Variants in NRG3 observed in about 807,000 individuals in gnomAD.
NRG3 encodes the protein neuregulin 3.
In NRG3, 31 loss-of-function variants were observed where a neutral mutation model predicts 66.9. The observed-to-expected ratio is 0.46, with a 90% CI of 0.35 to 0.63. The LOEUF (loss-of-function observed/expected upper bound fraction) is 0.63, where lower values mean the gene tolerates loss of function less well. NRG3 is among the 20% of genes least tolerant of loss of function. NRG3 has a pLI of 0.00. For missense variants in NRG3, 910 were observed against 878.9 expected (o/e 1.04, Z -0.45); for synonymous variants, 393 against 359.4 (o/e 1.09, Z -1.06).
At chr10:81,878,169 T>C (rs1220068894) in intron 1 of NRG3, 5 of 1,328,642 alleles carry the variant, frequency 3.8e-6, no homozygotes, top group Admixed American at 5.7e-5. Context: ...TAATAAGTAA[T>C]GATTATTGAC....
At chr10:82,442,627 T>C (rs188598093) in intron 2 of NRG3, among the ~76,000 whole-genome samples, 1 of 152,210 alleles carries the variant, frequency 6.6e-6, no homozygotes, top group Admixed American at 6.5e-5. Flanking sequence ...GCCCTTCTGC[T>C]TCTGCTTTAC....
At chr10:82,431,965 C>A (rs912942347) in intron 2 of NRG3, among the ~76,000 whole-genome samples, 1 of 152,076 alleles carries the variant, frequency 6.6e-6, no homozygotes, top group Non-Finnish European at 1.5e-5. Flanking sequence ...CTCATAATTG[C>A]ACAGGATGGA....
chr10:82,358,921 G>A (rs2083950338), intron 2 of NRG3, 53 bp downstream of exon 2: 5 of 1,611,686 alleles, frequency 3.1e-6, no homozygotes, highest in East Asian at 2.2e-5. Flanking sequence ...AAGGCGTGGG[G>A]GTGGAGGGTG....
chr10:82,234,422 T>A (rs925796938), intron 1 of NRG3, among the ~76,000 whole-genome samples: 1 of 152,218 alleles, frequency 6.6e-6, no homozygotes, highest in African/African-American at 2.4e-5. Flanking sequence ...GCGATTACAT[T>A]TACTTGTGAC....
intron 2 of NRG3, among the ~76,000 whole-genome samples, chr10:82,379,576 A>G (rs920440600): frequency 1.3e-5 from 2 of 152,198 alleles, no homozygotes; most frequent in Non-Finnish European, 2.9e-5. Context: ...TGCATAGGCT[A>G]TAAAGTGTTT....
intron 1 of NRG3, among the ~76,000 whole-genome samples, chr10:81,886,663 A>G (rs988534267): frequency 7.2e-5 from 11 of 152,292 alleles, no homozygotes; most frequent in African/African-American, 2.4e-4. Flanking sequence ...ATATTTGGCA[A>G]GTGAATGTGC....
At chr10:82,389,950 G>T (rs1183457108) in intron 2 of NRG3, among the ~76,000 whole-genome samples, 1 of 152,140 alleles carries the variant, frequency 6.6e-6, no homozygotes, top group Non-Finnish European at 1.5e-5. Context: ...GCCATTTATT[G>T]TACTGTGGCC....
intron 1 of NRG3, among the ~76,000 whole-genome samples, chr10:82,049,559 C>T (rs983344347): frequency 6.7e-6 from 1 of 150,346 alleles, no homozygotes; most frequent in African/African-American, 2.5e-5. Flanking sequence ...AACTGTTCCC[C>T]AAGACTTTAT....
intron 6 of NRG3, 116 bp from the exon 7 acceptor site, chr10:82,973,672 A>T: frequency 9.3e-7 from 1 of 1,072,208 alleles, no homozygotes; most frequent in Non-Finnish European, 1.4e-6. Flanking sequence ...CTGCTCCTCT[A>T]GTCAGGTGAC....
At chr10:82,895,029 TGA>T (rs1311953595) in intron 4 of NRG3, among the ~76,000 whole-genome samples, 4 of 152,222 alleles carry the variant, frequency 2.6e-5, no homozygotes, top group Admixed American at 6.5e-5. Flanking sequence ...TTGCTGAGAA[TGA>T]TGGTGTCTAG....
intron 1 of NRG3, among the ~76,000 whole-genome samples, chr10:82,272,283 A>C (rs931371492): frequency 6.6e-6 from 1 of 152,046 alleles, no homozygotes; most frequent in Non-Finnish European, 1.5e-5. Flanking sequence ...TCCAACTGGC[A>C]TAAGGACTGA....
intron 1 of NRG3, among the ~76,000 whole-genome samples, chr10:82,150,000 C>T (rs894163117): frequency 6.6e-6 from 1 of 152,106 alleles, no homozygotes; most frequent in East Asian, 1.9e-4. Flanking sequence ...GATGGAACTC[C>T]GCTGTGGTTT....
chr10:82,922,644 T>G (rs1180464209), intron 4 of NRG3, among the ~76,000 whole-genome samples: 1 of 152,194 alleles, frequency 6.6e-6, no homozygotes, highest in East Asian at 1.9e-4. Context: ...GATGCCATCA[T>G]AGAAACATGT....
intron 1 of NRG3, among the ~76,000 whole-genome samples, chr10:82,245,211 C>A (rs561105921): frequency 5.9e-5 from 9 of 152,156 alleles, no homozygotes; most frequent in African/African-American, 1.7e-4. Flanking sequence ...CATTAGATTC[C>A]CATAGGGAGA....
chr10:82,622,771 A>C (rs559748490), intron 2 of NRG3, among the ~76,000 whole-genome samples: 3 of 152,284 alleles, frequency 2.0e-5, no homozygotes, highest in African/African-American at 7.2e-5. Flanking sequence ...TCTGCAACCC[A>C]TCATGTCTAT....
At chr10:82,760,181 A>G (rs1425104015) in intron 3 of NRG3, among the ~76,000 whole-genome samples, 2 of 152,086 alleles carry the variant, frequency 1.3e-5, no homozygotes, top group Non-Finnish European at 2.9e-5. Flanking sequence ...AAAATAGCCT[A>G]TAAACTAGCA....
intron 1 of NRG3, among the ~76,000 whole-genome samples, chr10:82,231,922 T>G (rs1317107179): frequency 6.6e-6 from 1 of 152,234 alleles, no homozygotes; most frequent in African/African-American, 2.4e-5. Flanking sequence ...AAAAATATCT[T>G]TAAGAAACTG....
intron 1 of NRG3, among the ~76,000 whole-genome samples, chr10:82,220,137 A>C (rs1160016229): frequency 6.6e-6 from 1 of 152,026 alleles, no homozygotes; most frequent in African/African-American, 2.4e-5. Flanking sequence ...AGAAAAACCA[A>C]GAGTGGGAAG....
At chr10:82,399,010 A>G (rs561945502) in intron 2 of NRG3, among the ~76,000 whole-genome samples, 1 of 152,330 alleles carries the variant, frequency 6.6e-6, no homozygotes, top group South Asian at 2.1e-4. Context: ...AACAACTTCT[A>G]CAATTTCTGA....
Sources: allele counts gnomAD v4.1 joint callset (sites outside exome capture counted in the v4.1 genomes callset), GRCh38; gene constraint gnomAD v4.1.1; transcripts MANE v1.5; gene names NCBI Gene and HGNC (gene_info 2026-07-23, HGNC 2026-07-21).